Variants in C2CD5 observed in about 807,000 individuals in gnomAD.
C2CD5 encodes the protein C2 domain-containing protein 5.
C2CD5 carries 109 observed loss-of-function variants against 130.3 expected under a neutral mutation model. The observed-to-expected ratio is 0.84, with a 90% CI of 0.72 to 0.98. The LOEUF is 0.98. Ranked by LOEUF, C2CD5 falls within the 50% of genes least tolerant of loss-of-function variation. The pLI is 0.00. For missense variants in C2CD5, 996 were observed against 1,261.8 expected (o/e 0.79, Z 3.19); for synonymous variants, 454 against 429.2 (o/e 1.06, Z -0.71).
At chr12:22,538,162 A>T (rs1951999222) in intron 2 of C2CD5, among the ~76,000 whole-genome samples, 1 of 152,246 alleles carries the variant, frequency 6.6e-6, no homozygotes, top group South Asian at 2.1e-4. Context: ...ATGTAAGGCT[A>T]AGACCTCTTC....
Position 22,474,863 on chromosome 12 carries a change from G to T in C2CD5, c.1931C>A (p.Pro644His). ...PEISEEIIGS[P>H]IPEPRQRSRL... is the part of the protein sequence containing the mutation. The stretch of plus-strand genomic sequence containing the variant: ...TGAGCGTTGCCTAGGTTCTGGGATG[G>T]GTGATCCTATAATCTCTTCAGATAT... Residue 644 changes from proline to histidine, a missense_variant, in exon 16 of 27, where the codon CCC becomes CAC. Coordinates refer to ENST00000446597, the MANE Select transcript of C2CD5 (RefSeq NM_001286176.2). 1 of 1,600,760 alleles carries T rather than the reference G, an allele frequency of 6.2e-7. No individual in the cohort carries two copies. Among genetic ancestry groups the T allele is most frequent in the Non-Finnish European group, 8.5e-7 (1 of 1,171,162 alleles).
At chr12:22,479,767 G>A (rs1481141898) in intron 14 of C2CD5, among the ~76,000 whole-genome samples, 2 of 151,830 alleles carry the variant, frequency 1.3e-5, no homozygotes, top group Non-Finnish European at 2.9e-5. Flanking sequence ...AACTATCATG[G>A]GAAATACAAA....
chr12:22,515,487 T>A (rs1413922250), intron 8 of C2CD5, among the ~76,000 whole-genome samples: 1 of 152,180 alleles, frequency 6.6e-6, no homozygotes, highest in Non-Finnish European at 1.5e-5. Context: ...TAAGAATTTG[T>A]AAGATTCAAA....
chr12:22,499,385 C>A (rs1368931274), intron 10 of C2CD5, among the ~76,000 whole-genome samples: 1 of 152,194 alleles, frequency 6.6e-6, no homozygotes, highest in Non-Finnish European at 1.5e-5. Flanking sequence ...TAGCCACTTT[C>A]TAACTATTCA....
At chr12:22,522,983 G>A (rs959189695) in intron 7 of C2CD5, among the ~76,000 whole-genome samples, 2 of 152,232 alleles carry the variant, frequency 1.3e-5, no homozygotes, top group South Asian at 4.1e-4. Flanking sequence ...GGAGGTCAAG[G>A]CAGGTAGATC....
chr12:22,513,893 A>G (rs1430260122), intron 8 of C2CD5, among the ~76,000 whole-genome samples: 1 of 152,130 alleles, frequency 6.6e-6, no homozygotes, highest in African/African-American at 2.4e-5. Flanking sequence ...ATAACTTCCC[A>G]TTTCTAAACA....
intron 17 of C2CD5, 165 bp downstream of exon 17, chr12:22,472,579 A>C: frequency 1.5e-6 from 1 of 653,436 alleles, no homozygotes; most frequent in Non-Finnish European, 2.7e-6. Context: ...TTCTAACATA[A>C]GTATTTTTAA....
At chr12:22,455,111 A>G (rs758585202) in intron 25 of C2CD5, among the ~76,000 whole-genome samples, 6 of 152,194 alleles carry the variant, frequency 3.9e-5, no homozygotes, top group Non-Finnish European at 7.3e-5. Context: ...ATTGGGTCAC[A>G]TCCTTCTGAA....
intron 10 of C2CD5, among the ~76,000 whole-genome samples, chr12:22,494,348 C>T (rs2136491098): frequency 6.6e-6 from 1 of 152,022 alleles, no homozygotes; most frequent in East Asian, 1.9e-4. Context: ...AATCTAAAAA[C>T]CAAAAAATCC....
intron 7 of C2CD5, among the ~76,000 whole-genome samples, chr12:22,519,614 C>A (rs1950089737): frequency 6.6e-6 from 1 of 151,812 alleles, no homozygotes; most frequent in African/African-American, 2.4e-5. Flanking sequence ...GGGAGGGACG[C>A]CCATAAAAGT....
At chr12:22,498,616 T>C (rs1173212619) in intron 10 of C2CD5, among the ~76,000 whole-genome samples, 1 of 152,194 alleles carries the variant, frequency 6.6e-6, no homozygotes, top group Admixed American at 6.5e-5. Context: ...ATTTTCTAAT[T>C]TTGAACTATT....
At chr12:22,469,603 A>C in intron 22 of C2CD5, 106 bp downstream of exon 22, 1 of 572,966 alleles carries the variant, frequency 1.7e-6, no homozygotes, top group Non-Finnish European at 3.1e-6. Flanking sequence ...GAGGGAATGA[A>C]GGATAAATTT....
In C2CD5 at chr12:22,475,064, G is replaced by A. The variant is rs557131122; in HGVS notation, c.1903-173C>T. Among the ~76,000 whole-genome samples, 196 of 152,188 alleles carry A rather than the reference G, an allele frequency of 1.3e-3. 1 individual carries two copies. Among genetic ancestry groups the A allele is most frequent in the African/African-American group, 4.5e-3 (185 of 41,534 alleles). ...CTAAACTTTTATAGCAGATATGGCA[G>A]CCTTAATGATACACGAATCAGAAAA... On this transcript the variant is annotated intron_variant, in intron 15 of 26. Coordinates refer to ENST00000446597, the MANE Select transcript of C2CD5 (RefSeq NM_001286176.2).
intron 23 of C2CD5, 75 bp from the exon 24 acceptor site, chr12:22,458,660 A>G (rs1158835544): frequency 9.9e-6 from 5 of 507,172 alleles, no homozygotes; most frequent in Admixed American, 4.4e-5. Context: ...TCGTCTTAAC[A>G]CTCCTTTCGA....
At chr12:22,537,434 A>T (rs1951926602) in intron 2 of C2CD5, among the ~76,000 whole-genome samples, 1 of 152,248 alleles carries the variant, frequency 6.6e-6, no homozygotes, top group Non-Finnish European at 1.5e-5. Flanking sequence ...AAAAAGAAAA[A>T]GGCTGGAGTG....
Position 22,490,169 on chromosome 12 carries a change from G to T in C2CD5, c.1312C>A (p.Pro438Thr). The T allele has an allele frequency of 6.2e-7, 1 of 1,613,606 alleles. No homozygotes were observed. Among genetic ancestry groups the T allele is most frequent in the Non-Finnish European group, 8.5e-7 (1 of 1,179,698 alleles). ...ACGGTGCCATCCTGCAGAAATCTAG[G>T]ATTCAGTACAGCCGCTGTGCCAGAT... The part of the protein sequence containing the change: ...SASGTAAVLN[P>T]RFLQDGTVEG... Residue 438 changes from proline to threonine, a missense_variant, in exon 12 of 27, where the codon CCT (proline) becomes ACT (threonine). Pro to Thr is a conservative substitution (Grantham distance 38, BLOSUM62 -1). Transcript: ENST00000446597.
chr12:22,478,552 A>C (rs1157597479), intron 14 of C2CD5, 75 bp from the exon 15 acceptor site: 43 of 1,327,364 alleles, frequency 3.2e-5, no homozygotes, highest in Non-Finnish European at 4.4e-5. Context: ...CATATTTAAG[A>C]ATGTGGTCAA....
At chr12:22,472,525 T>C (rs1943203875) in intron 17 of C2CD5, 178 bp from the exon 18 acceptor site, 2 of 614,148 alleles carry the variant, frequency 3.3e-6, no homozygotes, top group South Asian at 4.4e-5. Flanking sequence ...GGTTTTTTTT[T>C]CCGTGTATAA....
chr12:22,462,955 G>C (rs548654230), intron 22 of C2CD5, among the ~76,000 whole-genome samples: 1 of 151,974 alleles, frequency 6.6e-6, no homozygotes, highest in East Asian at 1.9e-4. Context: ...AGGCAAGGGG[G>C]TGTTAGTGGT....
Sources: allele counts gnomAD v4.1 joint callset (sites outside exome capture counted in the v4.1 genomes callset), GRCh38; gene constraint gnomAD v4.1.1; transcripts MANE v1.5; gene names NCBI Gene and HGNC (gene_info 2026-07-23, HGNC 2026-07-21).